The following SYNPR variants were observed in gnomAD, a reference collection of about 807,000 sequenced individuals.
SYNPR encodes synaptoporin.
Under a neutral mutation model 32.9 loss-of-function variants are expected in SYNPR, and 23 were observed. The ratio of observed to expected loss-of-function variants is 0.70; its 90% CI spans 0.50 to 0.99. The LOEUF (loss-of-function observed/expected upper bound fraction) is 0.99, where lower values mean the gene tolerates loss of function less well. Ranked by LOEUF, SYNPR falls within the 50% of genes least tolerant of loss-of-function variation. SYNPR has a pLI of 0.00. For synonymous variants in SYNPR, 146 were observed against 135.9 expected (o/e 1.07, Z -0.52); for missense variants, 318 against 349.3 (o/e 0.91, Z 0.71).
intron 2 of SYNPR, among the ~76,000 whole-genome samples, chr3:63,333,916 T>C (rs2087257155): frequency 6.6e-6 from 1 of 152,224 alleles, no homozygotes. Flanking sequence ...CCGAAATGTC[T>C]TACTAAGAGA....
upstream of SYNPR, among the ~76,000 whole-genome samples, chr3:63,276,442 G>T (rs1258901838): frequency 6.6e-6 from 1 of 152,084 alleles, no homozygotes; most frequent in African/African-American, 2.4e-5. Flanking sequence ...GCCCTAGATG[G>T]GCTATCTGCA....
chr3:63,284,008 C>A (rs952402143), intron 2 of SYNPR, among the ~76,000 whole-genome samples: 3 of 151,916 alleles, frequency 2.0e-5, no homozygotes, highest in Non-Finnish European at 2.9e-5. Flanking sequence ...CAGGGTTTCA[C>A]CGTGTTAGCC....
chr3:63,429,032 G>A (rs544963172), intron 2 of SYNPR, among the ~76,000 whole-genome samples: 39 of 152,302 alleles, frequency 2.6e-4, no homozygotes, highest in African/African-American at 9.4e-4. Flanking sequence ...ACACATGAAC[G>A]AGAACTGGAA....
chr3:63,569,346 C>T (rs1315865331), intron 4 of SYNPR, among the ~76,000 whole-genome samples: 4 of 152,122 alleles, frequency 2.6e-5, no homozygotes, highest in Non-Finnish European at 4.4e-5. Flanking sequence ...TTAAATACAT[C>T]CCTAACCTGT....
intron 1 of SYNPR, among the ~76,000 whole-genome samples, chr3:63,240,789 C>T (rs2086235703): frequency 6.6e-6 from 1 of 152,078 alleles, no homozygotes; most frequent in Non-Finnish European, 1.5e-5. Context: ...TAATACAAGT[C>T]ATGCAGCCTG....
chr3:63,278,409 G>A lies in SYNPR; in HGVS notation c.-125G>A. On this transcript the variant is annotated 5_prime_UTR_variant, in exon 1 of 6. Coordinates refer to ENST00000478300, the MANE Select transcript of SYNPR (RefSeq NM_001130003.2). ...CCCCGAGGCCCCCTGCCCTCGCCGG[G>A]CTGCTCCAGGGTGTCGCTCCTCTGG... The A allele has an allele frequency of 4.7e-6, 6 of 1,289,476 alleles. No homozygotes were observed. The highest frequency in any genetic ancestry group is 4.2e-6 in the Non-Finnish European group (4 of 956,812). The allele number at this position is 1,289,476 out of a possible 1,614,324, so 79.9% of individuals were successfully genotyped here. A position where few individuals can be genotyped will look rare whatever the true frequency, so the allele number is the denominator to read the frequency against.
rs149492205 is a variant in SYNPR, at chr3:63,549,885, G to T, written c.210-6658G>T. 6.6e-5 allele frequency: 10 copies of T among 152,170 alleles called. No homozygotes were observed. The East Asian group carries it at 1.9e-3, about 29-fold the overall frequency. The allele number at this position is 152,170 out of a possible 1,614,324, so 9.4% of individuals were successfully genotyped here. ...GCCTTTCATTGATAGACACAATGCG[G>T]TTAAACCCAGTGAAATTCGATTACC... On this transcript the variant is annotated intron_variant, in intron 3 of 5. Transcript: ENST00000478300.
At chr3:63,203,068 G>GTATGTATATATATATATATA in the SYNPR span, 1 of 108,590 alleles carries the variant, frequency 9.2e-6, no homozygotes, top group Non-Finnish European at 1.8e-5. Flanking sequence ...ATATGTATGT[G>GTATGTATATATATATATATA]TATATATATA....
intron 2 of SYNPR, among the ~76,000 whole-genome samples, chr3:63,463,530 G>A (rs2122797): frequency 0.19 from 29,649 of 152,066 alleles, 3,065 homozygotes; most frequent in African/African-American, 0.24. Flanking sequence ...CACCAGTTGT[G>A]TCACCTTATA....
intron 2 of SYNPR, among the ~76,000 whole-genome samples, chr3:63,309,837 T>C (rs2086945132): frequency 6.6e-6 from 1 of 152,002 alleles, no homozygotes; most frequent in Admixed American, 6.6e-5. Context: ...CTCATTTTTG[T>C]TCTATCCTGC....
At chr3:63,210,729 A>C in the SYNPR span, among the ~76,000 whole-genome samples, 3 of 152,154 alleles carry the variant, frequency 2.0e-5, no homozygotes, top group African/African-American at 7.2e-5. Flanking sequence ...ATCTTCTATA[A>C]GTTGTTTCAA....
chr3:63,205,427 A>G, the SYNPR span, among the ~76,000 whole-genome samples: 2 of 152,224 alleles, frequency 1.3e-5, no homozygotes, highest in Non-Finnish European at 2.9e-5. Flanking sequence ...TGTAATACTT[A>G]GCCTAGTGCC....
chr3:63,447,196 CCA>C (rs1700293608), intron 2 of SYNPR, among the ~76,000 whole-genome samples: 1 of 152,136 alleles, frequency 6.6e-6, no homozygotes, highest in South Asian at 2.1e-4. Flanking sequence ...TTGTGCTCAA[CCA>C]CAGTGTTCAT....
At chr3:63,365,237 A>G (rs761427305) in intron 2 of SYNPR, among the ~76,000 whole-genome samples, 17 of 152,190 alleles carry the variant, frequency 1.1e-4, no homozygotes, top group Admixed American at 2.6e-4. Flanking sequence ...ACTCTACCAA[A>G]TGACATCATA....
At chr3:63,458,909 T>A (rs1439038606) in intron 2 of SYNPR, among the ~76,000 whole-genome samples, 1 of 152,098 alleles carries the variant, frequency 6.6e-6, no homozygotes, top group Non-Finnish European at 1.5e-5. Context: ...CTGAAAGTCC[T>A]GTATTCATGT....
intron 2 of SYNPR, among the ~76,000 whole-genome samples, chr3:63,265,316 A>G (rs932853931): frequency 4.2e-5 from 6 of 142,508 alleles, no homozygotes; most frequent in East Asian, 2.2e-4. Context: ...CAGTGGCACA[A>G]TCTTGGCTCA....
intron 2 of SYNPR, among the ~76,000 whole-genome samples, chr3:63,476,211 A>AAGGAAGGC (rs1700910899): frequency 1.6e-5 from 1 of 63,686 alleles, no homozygotes. Context: ...GGAAGGAAGG[A>AAGGAAGGC]AGGAGGGAAG....
At chr3:63,452,250 G>T in intron 2 of SYNPR, 2 of 534,828 alleles carry the variant, frequency 3.7e-6, no homozygotes, top group Non-Finnish European at 6.7e-6. Flanking sequence ...AACAAACATG[G>T]TCTCACGTAA....
At chr3:63,556,777 T>C (rs115010263) in intron 4 of SYNPR, 36 bp downstream of exon 4, 655 of 1,557,766 alleles carry the variant, frequency 4.2e-4, no homozygotes, top group Non-Finnish European at 5.4e-4. Flanking sequence ...CTTTTTCTGT[T>C]CCTTCTAATT....
Sources: allele counts gnomAD v4.1 joint callset (sites outside exome capture counted in the v4.1 genomes callset), GRCh38; gene constraint gnomAD v4.1.1; transcripts MANE v1.5; gene names NCBI Gene and HGNC (gene_info 2026-07-23, HGNC 2026-07-21).